TMEM169: variants seen among roughly 807,000 people sequenced by gnomAD.
TMEM169 encodes transmembrane protein 169.
In TMEM169, 18 loss-of-function variants were observed where a neutral mutation model predicts 27.3. The observed-to-expected ratio is 0.66, with a 90% confidence interval of 0.46 to 0.98. The LOEUF (loss-of-function observed/expected upper bound fraction) is 0.98. TMEM169 is among the 50% of genes least tolerant of loss of function. The pLI, the probability that TMEM169 is intolerant of heterozygous loss-of-function variation, is 0.00. For missense variants in TMEM169, 320 were observed against 368.6 expected (o/e 0.87, Z 1.08); for synonymous variants, 136 against 142.1 (o/e 0.96, Z 0.30).
At chr2:216,092,904 A>C (rs1415224753) in intron 1 of TMEM169, among the ~76,000 whole-genome samples, 4 of 152,226 alleles carry the variant, frequency 2.6e-5, no homozygotes, top group African/African-American at 9.6e-5. Flanking sequence ...TGGTTTGTTC[A>C]GAGGTCATTC....
rs1696380603 is a variant in TMEM169, at chr2:216,100,854, G to A, written c.*312G>A. On this transcript the variant is annotated 3_prime_UTR_variant, in exon 3 of 3. Coordinates refer to ENST00000437356, the MANE Select transcript of TMEM169 (RefSeq NM_001142311.2). ...GGAAGTGTTACTGGTGCCTGGAACT[G>A]AGGGGAGTATGTGACTAAATGTGTC... 4.9e-6 allele frequency: 2 copies of A among 406,260 alleles called. No individual in the cohort carries two copies. Among genetic ancestry groups the A allele is most frequent in the East Asian group, 5.8e-5 (1 of 17,300 alleles). 25.2% of individuals were successfully genotyped at this position (406,260 alleles called of 1,614,324 possible). A position where few individuals can be genotyped will look rare whatever the true frequency, so the allele number is the denominator to read the frequency against.
rs374102337 is a variant in TMEM169, at chr2:216,086,830, A to G, written c.-127+4851A>G. Among the ~76,000 whole-genome samples, 378 of 152,356 alleles carry G rather than the reference A, an allele frequency of 2.5e-3. 2 individuals are homozygous for G. The highest frequency in any genetic ancestry group is 8.6e-3 in the African/African-American group (358 of 41,578). On this transcript the variant is annotated intron_variant, in intron 1 of 2. Coordinates refer to ENST00000437356, the MANE Select transcript of TMEM169 (RefSeq NM_001142311.2). Reference sequence around the variant, plus strand: ...CATGATGCCATCTATAATCTATACAATGATATGAAATGCTGCATAATTAAG... The same window carrying G: ...CATGATGCCATCTATAATCTATACAGTGATATGAAATGCTGCATAATTAAG...
chr2:216,094,872 G>A (rs945862646), intron 1 of TMEM169, among the ~76,000 whole-genome samples: 3 of 152,128 alleles, frequency 2.0e-5, no homozygotes, highest in African/African-American at 7.2e-5. Flanking sequence ...CCTCTCCACC[G>A]CTCTTGCAGC....
At chr2:216,086,909 G>T (rs1696012122) in intron 1 of TMEM169, among the ~76,000 whole-genome samples, 1 of 152,170 alleles carries the variant, frequency 6.6e-6, no homozygotes. Context: ...ATAGAAGGAG[G>T]CAAAAGAAAG....
At position 216,094,387 on chromosome 2, in the gene TMEM169, T is replaced by C. The variant is rs147136078; in HGVS notation, c.-126-1451T>C. On this transcript the variant is annotated intron_variant, in intron 1 of 2. Transcript: ENST00000437356. ...GACCATTTGCCTCTTTCACTAGGATTAAAACTGGGTATGTTAAAAGTGCAT... is the reference window on the plus strand; with the variant it reads ...GACCATTTGCCTCTTTCACTAGGATCAAAACTGGGTATGTTAAAAGTGCAT... 1.1e-4 allele frequency among the ~76,000 whole-genome samples: 16 copies of C among 152,324 alleles called. No homozygotes were observed. The East Asian group carries it at 3.1e-3, about 29-fold the overall frequency.
rs1696250111 is a variant in TMEM169, at chr2:216,095,879, G to A, written c.-85G>A. The A allele has an allele frequency of 2.0e-6, 3 of 1,480,706 alleles. No individual in the cohort carries two copies. The highest frequency in any genetic ancestry group is 2.7e-6 in the Non-Finnish European group (3 of 1,104,046). The allele number at this position is 1,480,706 out of a possible 1,614,324, so 91.7% of individuals were successfully genotyped here. ...GGACATCTTTGCATAGCCCCATCTAGGAAGAAGTTCTGTGATGTGTGAACT... is the reference window on the plus strand; with the variant it reads ...GGACATCTTTGCATAGCCCCATCTAAGAAGAAGTTCTGTGATGTGTGAACT... On this transcript the variant is annotated 5_prime_UTR_variant, in exon 2 of 3. Coordinates refer to ENST00000437356, the MANE Select transcript of TMEM169 (RefSeq NM_001142311.2).
chr2:216,084,670 C>T (rs1424770813), intron 1 of TMEM169, among the ~76,000 whole-genome samples: 3 of 151,958 alleles, frequency 2.0e-5, no homozygotes, highest in Non-Finnish European at 4.4e-5. Context: ...GTTTTTAGTT[C>T]GGGTGTCAAG....
intron 1 of TMEM169, among the ~76,000 whole-genome samples, chr2:216,083,229 C>T (rs570491435): frequency 7.2e-5 from 11 of 152,222 alleles, no homozygotes; most frequent in Non-Finnish European, 1.2e-4. Flanking sequence ...TAAGTCAATT[C>T]TGTAGTTAGG....
At position 216,081,942 on chromosome 2, in the gene TMEM169, C is replaced by T. The variant is rs1695867448; in HGVS notation, c.-164C>T. 2 of 576,326 alleles carry T rather than the reference C, an allele frequency of 3.5e-6. No individual in the cohort carries two copies. Among genetic ancestry groups the T allele is most frequent in the Admixed American group, 3.3e-5 (1 of 30,340 alleles). 35.7% of individuals were successfully genotyped at this position (576,326 alleles called of 1,614,324 possible). ...GCAGAACCGCTCCCCGCCGGCTGTC[C>T]GCAACCTCCGCCAGCGTCGGTCCCT... On this transcript the variant is annotated 5_prime_UTR_variant, in exon 1 of 3. Coordinates refer to ENST00000437356, the MANE Select transcript of TMEM169 (RefSeq NM_001142311.2).
chr2:216,089,497 G>A (rs776871930), intron 1 of TMEM169, among the ~76,000 whole-genome samples: 5 of 151,744 alleles, frequency 3.3e-5, no homozygotes, highest in East Asian at 1.9e-4. Context: ...TCACTCTCTC[G>A]CCCAGACTGG....
At position 216,102,221 on chromosome 2, in the gene TMEM169, T is replaced by C. The variant is rs1328734188; in HGVS notation, c.*1679T>C. On this transcript the variant is annotated 3_prime_UTR_variant, in exon 3 of 3. Transcript: ENST00000437356. ...CAAAGAAGCCAGATTTAGCCTTCTG[T>C]TGTTTGGCAAAACCTCACTCAGAGC... is the stretch of plus-strand genomic sequence containing the variant. 1 of 152,200 alleles carries C rather than the reference T, an allele frequency of 6.6e-6. No individual in the cohort carries two copies. The highest frequency in any genetic ancestry group is 1.5e-5 in the Non-Finnish European group (1 of 68,038). 9.4% of individuals were successfully genotyped at this position (152,200 alleles called of 1,614,324 possible). A position where few individuals can be genotyped will look rare whatever the true frequency, so the allele number is the denominator to read the frequency against.
Position 216,099,355 on chromosome 2 carries a change from G to A in TMEM169, c.272-565G>A, listed in dbSNP as rs1559229648. Reference sequence around the variant, plus strand: ...TGATTGGGAGGTGGCATGTGTATGTGTGTGTATGGTGTGTATGTAGTATGT... The same window carrying A: ...TGATTGGGAGGTGGCATGTGTATGTATGTGTATGGTGTGTATGTAGTATGT... On this transcript the variant is annotated intron_variant, in intron 2 of 2. Transcript: ENST00000437356. This position sits in a 1 kb window ranked among gnomAD's most constrained non-coding sequence, Gnocchi z 5.0. 6.6e-6 allele frequency among the ~76,000 whole-genome samples: 1 copy of A among 151,802 alleles called. No homozygotes were observed. The highest frequency in any genetic ancestry group is 1.5e-5 in the Non-Finnish European group (1 of 67,912).
chr2:216,098,817 G>A (rs554824445), intron 2 of TMEM169, among the ~76,000 whole-genome samples: 3 of 151,448 alleles, frequency 2.0e-5, no homozygotes, highest in South Asian at 4.2e-4. Context: ...TGTGTGTAAT[G>A]TGTGGTGTGT....
At chr2:216,094,577 C>G (rs1696217056) in intron 1 of TMEM169, among the ~76,000 whole-genome samples, 1 of 152,190 alleles carries the variant, frequency 6.6e-6, no homozygotes, top group African/African-American at 2.4e-5. Flanking sequence ...AACACCACCT[C>G]TAAAATTGTC....
intron 1 of TMEM169, among the ~76,000 whole-genome samples, chr2:216,091,897 T>C (rs1696138937): frequency 1.3e-5 from 2 of 152,196 alleles, no homozygotes; most frequent in African/African-American, 4.8e-5. Flanking sequence ...GGGAATGTTT[T>C]GTAGTCTCAA....
At chr2:216,091,963 G>A (rs78214614) in intron 1 of TMEM169, among the ~76,000 whole-genome samples, 4 of 152,178 alleles carry the variant, frequency 2.6e-5, no homozygotes, top group Non-Finnish European at 4.4e-5. Context: ...GGTAAATCAA[G>A]GACAGTGTCT....
chr2:216,086,616 TA>T (rs2105979358), intron 1 of TMEM169, among the ~76,000 whole-genome samples: 1 of 152,350 alleles, frequency 6.6e-6, no homozygotes, highest in Admixed American at 6.5e-5. Context: ...CTTTCTTTCT[TA>T]ACAGTTGTTT....
At chr2:216,087,736 T>C (rs1409092104) in intron 1 of TMEM169, among the ~76,000 whole-genome samples, 1 of 152,224 alleles carries the variant, frequency 6.6e-6, no homozygotes, top group Non-Finnish European at 1.5e-5. Flanking sequence ...GCTGTGAATA[T>C]TGAACAATAC....
At position 216,100,128 on chromosome 2, in the gene TMEM169, G is replaced by T; in HGVS notation, c.480G>T (p.Val160=). The T allele has an allele frequency of 6.2e-7, 1 of 1,614,110 alleles. No homozygotes were observed. Among genetic ancestry groups the T allele is most frequent in the South Asian group, 1.1e-5 (1 of 91,076 alleles). Reference sequence around the variant, plus strand: ...TGGGAGCTGACCGTGGGCCCCATGTGGTCCTCTGGACGCTGATCTGCCTGC... The same window carrying T: ...TGGGAGCTGACCGTGGGCCCCATGTTGTCCTCTGGACGCTGATCTGCCTGC... The part of the protein sequence containing the change: ...CQMGADRGPH[V]VLWTLICLPV... Residue 160 remains valine, a synonymous_variant, in exon 3 of 3, where the codon GTG becomes GTT. Coordinates refer to ENST00000437356, the MANE Select transcript of TMEM169 (RefSeq NM_001142311.2).
Sources: allele counts gnomAD v4.1 joint callset (sites outside exome capture counted in the v4.1 genomes callset), GRCh38; gene constraint gnomAD v4.1.1; non-coding constraint Gnocchi (gnomAD v3.1); transcripts MANE v1.5; gene names NCBI Gene and HGNC (gene_info 2026-07-23, HGNC 2026-07-21).